CALU: variants seen among roughly 807,000 people sequenced by gnomAD.
CALU encodes the protein calumenin.
Under a neutral mutation model 37.5 loss-of-function variants are expected in CALU, and 13 were observed. That is an observed-to-expected ratio of 0.35 (90% CI 0.23 to 0.55). The LOEUF (loss-of-function observed/expected upper bound fraction) is 0.55, where lower values mean the gene tolerates loss of function less well. CALU is among the 20% of genes least tolerant of loss of function. The pLI is 0.89. For missense variants in CALU, 282 were observed against 391.7 expected, an observed-to-expected ratio of 0.72 and a Z score of 2.36; for synonymous variants, 114 against 133.8, an observed-to-expected ratio of 0.85 and a Z score of 1.02.
At position 128,768,847 on chromosome 7, in the gene CALU, CAA is replaced by C. The variant is rs1012831963; in HGVS notation, c.844-196_844-195del. Reference sequence around the variant, plus strand: ...GGGCAACAAGAGCGAAACTCCGTCTCAAAAAAAAAAAAAAAAAAAAACAAGGA... The same window carrying C: ...GGGCAACAAGAGCGAAACTCCGTCTCAAAAAAAAAAAAAAAAAAACAAGGA... On this transcript the variant is annotated intron_variant, in intron 6 of 6. Coordinates refer to ENST00000249364, the MANE Select transcript of CALU (RefSeq NM_001219.5). 2.8e-3 allele frequency among the ~76,000 whole-genome samples: 156 copies of C among 55,190 alleles called. 4 individuals carry two copies. The highest frequency in any genetic ancestry group is 0.011 in the Middle Eastern group (1 of 88). The allele number at this position is 55,190 out of a possible 152,430, so 36.2% of individuals were successfully genotyped here. A position where few individuals can be genotyped will look rare whatever the true frequency, so the allele number is the denominator to read the frequency against.
intron 1 of CALU, among the ~76,000 whole-genome samples, chr7:128,745,042 A>G (rs1800377768): frequency 6.6e-6 from 1 of 152,284 alleles, no homozygotes; most frequent in African/African-American, 2.4e-5. Flanking sequence ...CCAGGACCAG[A>G]TTATGTTAGA....
chr7:128,748,380 C>T (rs1273625935), intron 1 of CALU, 193 bp from the exon 2 acceptor site: 2 of 1,492,508 alleles, frequency 1.3e-6, no homozygotes, highest in African/African-American at 2.8e-5. Flanking sequence ...AAAAATTTCT[C>T]ACTGTAATAA....
rs747914383 is a variant in CALU, at chr7:128,767,616, A to G, written c.804A>G (p.Ala268=). The part of the protein sequence containing the change: ...ILPSDYDHAE[A]EARHLVYESD... ...CCTCAGACTATGATCATGCAGAGGC[A>G]GAAGCCAGGCACCTGGTCTATGAAT... The change falls in exon 6 of 7, where the codon GCA becomes GCG. Residue 268 remains alanine, a synonymous_variant. Transcript: ENST00000249364. 3.1e-6 allele frequency: 5 copies of G among 1,614,218 alleles called. No individual in the cohort carries two copies. Among genetic ancestry groups the G allele is most frequent in the Non-Finnish European group, 4.2e-6 (5 of 1,180,034 alleles).
At chr7:128,751,708 CAG>C (rs1800683096) in intron 2 of CALU, among the ~76,000 whole-genome samples, 1 of 152,138 alleles carries the variant, frequency 6.6e-6, no homozygotes, top group South Asian at 2.1e-4. Flanking sequence ...GCCTGGGTGA[CAG>C]AGCAAGACCC....
intron 5 of CALU, among the ~76,000 whole-genome samples, chr7:128,762,664 G>A (rs1003844146): frequency 2.6e-5 from 4 of 151,562 alleles, no homozygotes; most frequent in Non-Finnish European, 5.9e-5. Flanking sequence ...CAACTTATTT[G>A]TTTATTTATT....
At chr7:128,750,575 CTGTT>C (rs1348767131) in intron 2 of CALU, among the ~76,000 whole-genome samples, 2 of 152,180 alleles carry the variant, frequency 1.3e-5, no homozygotes, top group Non-Finnish European at 2.9e-5. Flanking sequence ...TATGAATAGA[CTGTT>C]TGCTTCTCCC....
intron 5 of CALU, 128 bp from the exon 6 acceptor site, chr7:128,767,327 TA>T (rs534884167): frequency 8.0e-5 from 58 of 722,238 alleles, no homozygotes; most frequent in Non-Finnish European, 1.4e-4. Context: ...CTGTCTGGCC[TA>T]AAATACCCTT....
At chr7:128,741,226 C>T (rs1377752991) in intron 1 of CALU, among the ~76,000 whole-genome samples, 1 of 152,228 alleles carries the variant, frequency 6.6e-6, no homozygotes, top group Non-Finnish European at 1.5e-5. Context: ...GCTGAAATAA[C>T]ACTTTTGCCT....
intron 2 of CALU, among the ~76,000 whole-genome samples, chr7:128,752,970 G>A (rs1800736334): frequency 1.3e-5 from 2 of 152,212 alleles, no homozygotes; most frequent in Admixed American, 6.5e-5. Flanking sequence ...GATTATAGGC[G>A]TGAGCCACCG....
chr7:128,771,942 G>GAAGC lies in CALU; in HGVS notation c.*2777_*2780dup, dbSNP rs1402236344. 6.5e-6 allele frequency: 1 copy of GAAGC among 153,872 alleles called. No homozygotes were observed. The highest frequency in any genetic ancestry group is 2.4e-5 in the African/African-American group (1 of 41,448). 9.5% of individuals were successfully genotyped at this position (153,872 alleles called of 1,614,324 possible). On this transcript the variant is annotated 3_prime_UTR_variant, in exon 7 of 7. Transcript: ENST00000249364. ...AGGTTTAGCCAAATGCAACGGGGAGGAAGCACCTGGAATAATTTGTGCTTG... is the reference window on the plus strand; with the variant it reads ...AGGTTTAGCCAAATGCAACGGGGAGGAAGCAAGCACCTGGAATAATTTGTGCTTG...
intron 4 of CALU, 85 bp downstream of exon 4, chr7:128,759,122 A>G (rs1339463664): frequency 3.3e-6 from 3 of 921,452 alleles, no homozygotes; most frequent in Non-Finnish European, 5.0e-6. Context: ...CTTATATAGC[A>G]TATCTTATAT....
intron 3 of CALU, among the ~76,000 whole-genome samples, chr7:128,757,974 G>A (rs369854674): frequency 6.6e-6 from 1 of 151,492 alleles, no homozygotes. Context: ...ATGTATTTAA[G>A]TGCATAATTG....
Position 128,772,779 on chromosome 7 carries a change from T to A in CALU, c.*3612T>A. 7.5e-7 allele frequency: 1 copy of A among 1,337,894 alleles called. No homozygotes were observed. The highest frequency in any genetic ancestry group is 1.1e-6 in the Non-Finnish European group (1 of 942,590). 82.9% of individuals were successfully genotyped at this position (1,337,894 alleles called of 1,614,324 possible). Reference sequence around the variant, plus strand: ...GCTTTGTACCCAGAATGCCCTTAGGTGGTTTTGAATCTATCTTCCCCATCC... The same window carrying A: ...GCTTTGTACCCAGAATGCCCTTAGGAGGTTTTGAATCTATCTTCCCCATCC... On this transcript the variant is annotated 3_prime_UTR_variant, in exon 7 of 7. Coordinates refer to ENST00000249364, the MANE Select transcript of CALU (RefSeq NM_001219.5).
chr7:128,758,845 A>G, intron 3 of CALU, 26 bp from the exon 4 acceptor site: 4 of 1,547,664 alleles, frequency 2.6e-6, no homozygotes, highest in Non-Finnish European at 3.5e-6. Flanking sequence ...GTCTTTTAAG[A>G]TTTGACCTAA....
intron 4 of CALU, among the ~76,000 whole-genome samples, 153 bp from the exon 5 acceptor site, chr7:128,759,639 A>G (rs976664798): frequency 2.0e-5 from 3 of 152,240 alleles, no homozygotes; most frequent in Admixed American, 2.0e-4. Flanking sequence ...GGTTTTAACC[A>G]TACAGACACA....
chr7:128,755,251 G>C (rs1800829550), intron 3 of CALU, among the ~76,000 whole-genome samples: 2 of 141,104 alleles, frequency 1.4e-5, no homozygotes, highest in Non-Finnish European at 3.0e-5. Context: ...GGTTGAGGCA[G>C]CTGCGAGCCA....
intron 5 of CALU, 39 bp downstream of exon 5, chr7:128,759,891 A>G (rs1801036380): frequency 9.4e-7 from 1 of 1,060,310 alleles, no homozygotes; most frequent in Non-Finnish European, 1.5e-6. Context: ...AGAAAAGCTG[A>G]GAAGCTTTGA....
chr7:128,769,024 A>C, intron 6 of CALU, 39 bp from the exon 7 acceptor site: 2 of 1,136,016 alleles, frequency 1.8e-6, no homozygotes, highest in Non-Finnish European at 2.7e-6. Context: ...TTAATGGGAA[A>C]TATGTTCTTC....
chr7:128,759,104 C>T, intron 4 of CALU, 67 bp downstream of exon 4: 3 of 1,264,644 alleles, frequency 2.4e-6, no homozygotes, highest in East Asian at 2.3e-5. Flanking sequence ...CTGTCTTTCC[C>T]CTTTAGCCTT....
Sources: allele counts gnomAD v4.1 joint callset (sites outside exome capture counted in the v4.1 genomes callset), GRCh38; gene constraint gnomAD v4.1.1; transcripts MANE v1.5; gene names NCBI Gene and HGNC (gene_info 2026-07-23, HGNC 2026-07-21).